The following STPG2 variants were observed in gnomAD, a reference collection of about 807,000 sequenced individuals.
STPG2 encodes sperm tail PG-rich repeat containing 2, also known as sperm-tail PG-rich repeat-containing protein 2.
In STPG2, 56 loss-of-function variants were observed where a neutral mutation model predicts 54.2. The observed-to-expected ratio is 1.03, with a 90% CI of 0.83 to 1.29. The LOEUF (loss-of-function observed/expected upper bound fraction) is 1.29. Among genes scored for constraint, STPG2 ranks in the 50% most tolerant of loss-of-function variants. The pLI is 0.00. For synonymous variants in STPG2, 200 were observed against 181.8 expected (o/e 1.10, Z -0.81); for missense variants, 596 against 544.9 (o/e 1.09, Z -0.93).
intron 10 of STPG2, among the ~76,000 whole-genome samples, chr4:97,663,909 G>A (rs1018936996): frequency 2.0e-5 from 3 of 152,066 alleles, no homozygotes; most frequent in African/African-American, 7.2e-5. Context: ...TTAATACTTA[G>A]TTTAAATTAC....
At chr4:97,680,342 C>T (rs754784534) in intron 10 of STPG2, among the ~76,000 whole-genome samples, 167 of 151,476 alleles carry the variant, frequency 1.1e-3, no homozygotes, top group East Asian at 1.9e-3. Flanking sequence ...AGGTCCTTCA[C>T]ATCCCTTGTA....
intron 4 of STPG2, among the ~76,000 whole-genome samples, chr4:97,509,806 T>C (rs1262867265): frequency 6.6e-6 from 1 of 152,096 alleles, no homozygotes. Flanking sequence ...TAACATCTCA[T>C]AATAAGGTAA....
intron 8 of STPG2, among the ~76,000 whole-genome samples, chr4:97,868,581 G>A (rs1452673515): frequency 9.9e-5 from 15 of 151,920 alleles, no homozygotes; most frequent in Admixed American, 9.9e-4. Context: ...AGGCTCTCCT[G>A]TCAAATTTCT....
intron 9 of STPG2, among the ~76,000 whole-genome samples, chr4:97,802,188 C>T (rs887315638): frequency 6.6e-6 from 1 of 152,172 alleles, no homozygotes. Context: ...TCCATAAGAG[C>T]ACATTCTTCT....
chr4:97,850,287 G>T, intron 8 of STPG2, among the ~76,000 whole-genome samples: 1 of 6,682 alleles, frequency 1.5e-4, no homozygotes, highest in Non-Finnish European at 2.4e-4. Flanking sequence ...GGGGGGAGGG[G>T]GGAGGGAAAG....
At chr4:98,021,173 T>C (rs1453454865) in intron 5 of STPG2, among the ~76,000 whole-genome samples, 1 of 142,110 alleles carries the variant, frequency 7.0e-6, no homozygotes, top group Non-Finnish European at 1.5e-5. Context: ...TAAATTTCCC[T>C]CTACACACTG....
chr4:97,568,883 CTTTT>C (rs1341948566), intron 10 of STPG2, among the ~76,000 whole-genome samples: 4 of 145,564 alleles, frequency 2.7e-5, no homozygotes, highest in Non-Finnish European at 4.6e-5. Context: ...TCTTTTCTTT[CTTTT>C]GTTTTTTGTT....
Position 97,576,631 on chromosome 4 carries a change from A to G in STPG2, c.1321-17514T>C, listed in dbSNP as rs578145621. ...TAAAGACTTAAATTAAAGACCTAAA[A>G]CTATAAAAAATCCTAGAAGAAAACT... On this transcript the variant is annotated intron_variant, in intron 10 of 10. Coordinates refer to ENST00000295268, the MANE Select transcript of STPG2 (RefSeq NM_174952.3). 3.3e-5 allele frequency among the ~76,000 whole-genome samples: 5 copies of G among 152,266 alleles called. No individual in the cohort carries two copies. In the East Asian group the frequency reaches 7.7e-4, roughly 24 times the overall value.
intron 8 of STPG2, among the ~76,000 whole-genome samples, chr4:97,931,606 G>A (rs1732547126): frequency 2.6e-5 from 4 of 152,012 alleles, no homozygotes; most frequent in South Asian, 4.1e-4. Context: ...GAGGATTTTT[G>A]CATCAATATT....
chr4:97,500,051 C>A (rs1032720720), intron 4 of STPG2, among the ~76,000 whole-genome samples: 2 of 151,756 alleles, frequency 1.3e-5, no homozygotes, highest in Non-Finnish European at 2.9e-5. Flanking sequence ...GCCATTCTGA[C>A]TATGGTCTCA....
chr4:97,737,861 T>C (rs1168532293), intron 9 of STPG2, among the ~76,000 whole-genome samples: 1 of 152,034 alleles, frequency 6.6e-6, no homozygotes, highest in Non-Finnish European at 1.5e-5. Context: ...ATACAGAGAA[T>C]GCCACAAAGA....
At chr4:97,470,700 TTCTC>T (rs770432070) in intron 4 of STPG2, among the ~76,000 whole-genome samples, 64 of 152,230 alleles carry the variant, frequency 4.2e-4, no homozygotes, top group Non-Finnish European at 7.1e-4. Flanking sequence ...GTCTTTCTCT[TTCTC>T]TCAATATATC....
chr4:97,947,831 T>C (rs898457144), intron 7 of STPG2, among the ~76,000 whole-genome samples: 2 of 152,128 alleles, frequency 1.3e-5, no homozygotes, highest in Non-Finnish European at 2.9e-5. Context: ...AGTTTTTGCA[T>C]CTACATTCAT....
intron 8 of STPG2, among the ~76,000 whole-genome samples, chr4:97,846,744 G>A (rs1027621191): frequency 2.6e-5 from 4 of 151,878 alleles, no homozygotes; most frequent in African/African-American, 9.7e-5. Flanking sequence ...AAGGGCCTGC[G>A]AAAATATGCA....
At chr4:97,924,400 C>A (rs1732256472) in intron 8 of STPG2, among the ~76,000 whole-genome samples, 1 of 152,122 alleles carries the variant, frequency 6.6e-6, no homozygotes, top group Non-Finnish European at 1.5e-5. Flanking sequence ...TTTGTCTGCC[C>A]CTAAAAACTC....
chr4:97,743,799 T>C (rs950958630), intron 9 of STPG2, among the ~76,000 whole-genome samples: 1 of 151,564 alleles, frequency 6.6e-6, no homozygotes, highest in Non-Finnish European at 1.5e-5. Flanking sequence ...GTTCATTTGC[T>C]TGGAAGAATG....
intron 9 of STPG2, among the ~76,000 whole-genome samples, chr4:97,838,123 T>C (rs1728685426): frequency 1.3e-5 from 2 of 151,578 alleles, no homozygotes; most frequent in African/African-American, 4.8e-5. Flanking sequence ...CATATAACAA[T>C]ACTAAATAAT....
At chr4:97,819,739 T>C (rs1253617293) in intron 9 of STPG2, among the ~76,000 whole-genome samples, 1 of 152,082 alleles carries the variant, frequency 6.6e-6, no homozygotes, top group African/African-American at 2.4e-5. Context: ...CCATTTAAAC[T>C]ATTTAAATTA....
intron 10 of STPG2, among the ~76,000 whole-genome samples, chr4:97,596,171 C>T (rs1733285394): frequency 6.6e-6 from 1 of 152,010 alleles, no homozygotes; most frequent in African/African-American, 2.4e-5. Context: ...AAAAGAAGGG[C>T]ATTACACAAT....
Sources: allele counts gnomAD v4.1 joint callset (sites outside exome capture counted in the v4.1 genomes callset), GRCh38; gene constraint gnomAD v4.1.1; transcripts MANE v1.5; gene names NCBI Gene and HGNC (gene_info 2026-07-23, HGNC 2026-07-21).